SLC35B1: variants seen among roughly 807,000 people sequenced by gnomAD.
SLC35B1 encodes solute carrier family 35 member B1.
SLC35B1 carries 27 observed loss-of-function variants against 36.6 expected under a neutral mutation model. The observed-to-expected ratio is 0.74, with a 90% confidence interval of 0.54 to 1.02. The LOEUF (loss-of-function observed/expected upper bound fraction) is 1.02. Among genes scored for constraint, SLC35B1 ranks in the 50% least tolerant of loss-of-function variants. The pLI is 0.00. For missense variants in SLC35B1, 321 were observed against 383.2 expected (o/e 0.84, Z 1.35); for synonymous variants, 162 against 152.5 (o/e 1.06, Z -0.46).
chr17:49,703,153 T>A, intron 7 of SLC35B1, 35 bp downstream of exon 7: 3 of 1,575,832 alleles, frequency 1.9e-6, no homozygotes, highest in Non-Finnish European at 2.6e-6. Context: ...GCTGCCAGAG[T>A]AGGGAAGCCA....
chr17:49,704,398 T>C (rs2073390549), intron 5 of SLC35B1, among the ~76,000 whole-genome samples, 172 bp from the exon 6 acceptor site: 1 of 152,124 alleles, frequency 6.6e-6, no homozygotes, highest in African/African-American at 2.4e-5. Flanking sequence ...CCATGCTCAC[T>C]ACCCCCCACC....
intron 2 of SLC35B1, 32 bp from the exon 3 acceptor site, chr17:49,706,366 G>GA (rs757674073): frequency 7.3e-5 from 33 of 455,170 alleles, no homozygotes; most frequent in South Asian, 4.8e-4. Flanking sequence ...AAAAAAAAAA[G>GA]AAAAGAAAAG....
At chr17:49,706,650 T>C (rs1340555695) in intron 2 of SLC35B1, among the ~76,000 whole-genome samples, 4 of 152,200 alleles carry the variant, frequency 2.6e-5, no homozygotes, top group Admixed American at 6.5e-5. Context: ...GCTCAAAGCA[T>C]GCTTGAAGCT....
intron 8 of SLC35B1, chr17:49,701,940 AAAAT>A: frequency 2.4e-6 from 1 of 412,844 alleles, no homozygotes; most frequent in Non-Finnish European, 4.8e-6. Context: ...AAAAAAAAAA[AAAAT>A]TGGTCAGGTA....
chr17:49,705,765 A>T, intron 4 of SLC35B1, 101 bp downstream of exon 4: 2 of 1,142,532 alleles, frequency 1.8e-6, no homozygotes, highest in Non-Finnish European at 2.7e-6. Flanking sequence ...GGAGACAGCC[A>T]TGATGGGATG....
intron 4 of SLC35B1, 108 bp downstream of exon 4, chr17:49,705,758 G>A (rs1393591681): frequency 9.4e-7 from 1 of 1,068,300 alleles, no homozygotes; most frequent in East Asian, 2.4e-5. Flanking sequence ...AGTCCCTGGA[G>A]ACAGCCATGA....
Position 49,707,741 on chromosome 17 carries a change from C to T in SLC35B1, c.93G>A (p.Leu31=), listed in dbSNP as rs2073438153. Residue 31 remains leucine, a synonymous_variant, in exon 1 of 9, where the codon CTG becomes CTA. Transcript: ENST00000240333. ...VFVCYFYYGI[L]QEKITRGKYG... The stretch of plus-strand genomic sequence containing the variant: ...CCGGGGTCGCTCACATCTTTTCCTG[C>T]AGGATCCCATAGTAAAAATAGCAGA... The T allele has an allele frequency of 2.5e-6, 4 of 1,611,830 alleles. No individual in the cohort carries two copies. The highest frequency in any genetic ancestry group is 3.4e-6 in the Non-Finnish European group (4 of 1,179,824).
intron 6 of SLC35B1, chr17:49,703,759 T>C (rs1205257908): frequency 2.9e-6 from 1 of 340,380 alleles, no homozygotes; most frequent in Non-Finnish European, 5.6e-6. Flanking sequence ...ACATTTGAAC[T>C]GTCTTCAGTG....
At chr17:49,707,373 T>C (rs958077103) in intron 1 of SLC35B1, 1 of 1,430,004 alleles carries the variant, frequency 7.0e-7, no homozygotes, top group Non-Finnish European at 9.3e-7. Context: ...ATTTCGGCTA[T>C]GGCACCAAGG....
intron 8 of SLC35B1, chr17:49,701,917 C>T (rs570541730): frequency 1.9e-4 from 69 of 364,152 alleles, no homozygotes; most frequent in African/African-American, 1.4e-3. Flanking sequence ...CAGCAAGACC[C>T]CATCGCTACA....
chr17:49,703,459 A>C, intron 6 of SLC35B1, 165 bp from the exon 7 acceptor site: 23 of 579,920 alleles, frequency 4.0e-5, no homozygotes, highest in East Asian at 6.0e-5. Context: ...GCATCGTCTC[A>C]TCATTGATTC....
chr17:49,706,122 T>TTTTAAAA, intron 3 of SLC35B1, 82 bp downstream of exon 3: 1 of 1,239,698 alleles, frequency 8.1e-7, no homozygotes, highest in Non-Finnish European at 1.1e-6. Flanking sequence ...TTTTTTTTTT[T>TTTTAAAA]AACTCACAGA....
chr17:49,706,174 G>A (rs753411813), intron 3 of SLC35B1, 30 bp downstream of exon 3: 2 of 1,574,390 alleles, frequency 1.3e-6, no homozygotes, highest in Admixed American at 4.0e-5. Context: ...TGATATCTGA[G>A]CCAACCATCA....
At position 49,705,964 on chromosome 17, in the gene SLC35B1, A is replaced by C. The variant is rs996623864; in HGVS notation, c.340-68T>G. ...TGTCAGGTACTATGCTAGGTACCGC[A>C]CTGATTAAGATGAGTAAGCACAGGG... is the stretch of plus-strand genomic sequence containing the variant. On this transcript the variant is annotated intron_variant, in intron 3 of 8. Transcript: ENST00000240333. The C allele has an allele frequency of 4.7e-5, 72 of 1,518,226 alleles. No homozygotes were observed. The Admixed American group carries it at 1.2e-3, about 26-fold the overall frequency. 94.0% of individuals were successfully genotyped at this position (1,518,226 alleles called of 1,614,324 possible). A position where few individuals can be genotyped will look rare whatever the true frequency, so the allele number is the denominator to read the frequency against.
Position 49,707,931 on chromosome 17 carries a change from G to T in SLC35B1, c.-98C>A. 4 of 1,564,308 alleles carry T rather than the reference G, an allele frequency of 2.6e-6. No homozygotes were observed. Among genetic ancestry groups the T allele is most frequent in the Non-Finnish European group, 3.5e-6 (4 of 1,154,410 alleles). ...CTCCAGCCGGACATCGCCGACCGGCGGCAGGGGCCTCATAGGAGCTGCATG... is the reference window on the plus strand; with the variant it reads ...CTCCAGCCGGACATCGCCGACCGGCTGCAGGGGCCTCATAGGAGCTGCATG... On this transcript the variant is annotated 5_prime_UTR_variant, in exon 1 of 9. Coordinates refer to ENST00000240333, the MANE Select transcript of SLC35B1 (RefSeq NM_005827.4).
Position 49,702,930 on chromosome 17 carries a change from A to G in SLC35B1, c.844T>C (p.Leu282=). 1 of 1,614,150 alleles carries G rather than the reference A, an allele frequency of 6.2e-7. No individual in the cohort carries two copies. Among genetic ancestry groups the G allele is most frequent in the African/African-American group, 1.3e-5 (1 of 75,030 alleles). ...ITTTRKFFTI[L]ASVILFANPI... Reference sequence around the variant, plus strand: ...TTGGCGAAGAGGATCACAGAGGCCAAAATTGTGAAGAACTTTCGAGTTGTA... The same window carrying G: ...TTGGCGAAGAGGATCACAGAGGCCAGAATTGTGAAGAACTTTCGAGTTGTA... Residue 282 remains leucine (L), a synonymous_variant, in exon 8 of 9, where the codon TTG becomes CTG. Coordinates refer to ENST00000240333, the MANE Select transcript of SLC35B1 (RefSeq NM_005827.4).
At chr17:49,703,359 CACA>C in intron 6 of SLC35B1, 65 bp from the exon 7 acceptor site, 5 of 879,296 alleles carry the variant, frequency 5.7e-6, no homozygotes, top group African/African-American at 3.3e-5. Flanking sequence ...CACACACACA[CACA>C]CACACACACA....
intron 6 of SLC35B1, 103 bp from the exon 7 acceptor site, chr17:49,703,397 GTTA>G (rs2073377306): frequency 1.3e-6 from 1 of 774,470 alleles, no homozygotes; most frequent in Non-Finnish European, 2.3e-6. Context: ...CACATGGCCT[GTTA>G]AAGAACTGCA....
chr17:49,707,063 CT>C lies in SLC35B1; in HGVS notation c.109del (p.Arg37GlufsTer17). The C allele has an allele frequency of 6.2e-7, 1 of 1,612,702 alleles. No homozygotes were observed. Among genetic ancestry groups the C allele is most frequent in the Non-Finnish European group, 8.5e-7 (1 of 1,178,928 alleles). The stretch of plus-strand genomic sequence containing the variant: ...CTTGGCTCCTTCCCCATACTTTCCT[CT>C]TGTTCTAGAAATGAAATGCATGAGA... ...YYGILQEKITRGKYGEGAKQE... is the reference protein window; with the variant it reads ...YYGILQEKITXGKYGEGAKQE... On this transcript the variant is annotated frameshift_variant, in exon 2 of 9. Transcript: ENST00000240333. LOFTEE classifies it high-confidence loss of function.
Sources: allele counts gnomAD v4.1 joint callset (sites outside exome capture counted in the v4.1 genomes callset), GRCh38; gene constraint gnomAD v4.1.1; transcripts MANE v1.5; gene names NCBI Gene and HGNC (gene_info 2026-07-23, HGNC 2026-07-21).